Variants in CACNA2D3 observed in about 807,000 individuals in gnomAD.
CACNA2D3 encodes voltage-dependent calcium channel subunit alpha-2/delta-3.
Under a neutral mutation model 160.6 loss-of-function variants are expected in CACNA2D3, and 60 were observed. The ratio of observed to expected loss-of-function variants is 0.37; its 90% CI spans 0.30 to 0.46. The LOEUF (loss-of-function observed/expected upper bound fraction) is 0.46, where lower values mean the gene tolerates loss of function less well. Ranked by LOEUF, CACNA2D3 falls within the 20% of genes least tolerant of loss-of-function variation. The pLI is 1.00. For missense variants in CACNA2D3, 1,205 were observed against 1,365.0 expected (o/e 0.88, Z 1.85); for synonymous variants, 558 against 492.9 (o/e 1.13, Z -1.75).
chr3:54,514,108 C>G (rs1340252107), intron 5 of CACNA2D3, among the ~76,000 whole-genome samples: 1 of 152,188 alleles, frequency 6.6e-6, no homozygotes, highest in African/African-American at 2.4e-5. Flanking sequence ...ATAAACACTT[C>G]CAATTTCTTC....
intron 2 of CACNA2D3, among the ~76,000 whole-genome samples, chr3:54,180,397 G>A (rs2107322199): frequency 6.6e-6 from 1 of 152,290 alleles, no homozygotes; most frequent in Non-Finnish European, 1.5e-5. Flanking sequence ...ACACAACAAA[G>A]ATCTGTCGAC....
chr3:54,153,012 T>C (rs958617529), intron 2 of CACNA2D3, among the ~76,000 whole-genome samples: 9 of 152,184 alleles, frequency 5.9e-5, no homozygotes, highest in African/African-American at 1.2e-4. Flanking sequence ...CTCATTGTAT[T>C]GTGTAAATGA....
chr3:54,469,571 A>G (rs1193084950), intron 4 of CACNA2D3, among the ~76,000 whole-genome samples: 1 of 152,138 alleles, frequency 6.6e-6, no homozygotes, highest in Non-Finnish European at 1.5e-5. Flanking sequence ...AACTGGATGG[A>G]GAATGAGTTT....
intron 9 of CACNA2D3, among the ~76,000 whole-genome samples, chr3:54,597,602 G>T (rs1396907317): frequency 1.3e-5 from 2 of 152,160 alleles, no homozygotes; most frequent in African/African-American, 4.8e-5. Context: ...GGTCTTGAGG[G>T]TAAAAGGAAG....
intron 31 of CACNA2D3, 36 bp downstream of exon 31, chr3:54,987,789 AG>A (rs753247903): frequency 6.7e-7 from 1 of 1,489,826 alleles, no homozygotes; most frequent in Admixed American, 2.2e-5. Flanking sequence ...TCCCCCCAAA[AG>A]TTTTCCTAAA....
intron 4 of CACNA2D3, among the ~76,000 whole-genome samples, chr3:54,476,641 A>G (rs917305464): frequency 6.6e-6 from 1 of 151,958 alleles, no homozygotes; most frequent in Admixed American, 6.6e-5. Flanking sequence ...TTTGATTTGC[A>G]TTTCCCTGGT....
intron 11 of CACNA2D3, among the ~76,000 whole-genome samples, chr3:54,721,467 A>G (rs1204799483): frequency 1.3e-5 from 2 of 152,046 alleles, no homozygotes; most frequent in Non-Finnish European, 2.9e-5. Flanking sequence ...TTCTTTAAAG[A>G]TATGTTCTGT....
Position 54,770,708 on chromosome 3 carries a change from C to G in CACNA2D3, c.1380+6357C>G, listed in dbSNP as rs1702305223. On this transcript the variant is annotated intron_variant, in intron 13 of 37. Coordinates refer to ENST00000474759, the MANE Select transcript of CACNA2D3 (RefSeq NM_018398.3). ...GGTGCACGAAGCATATGTCTGTTCCCCATGCTTGAGTTGCAAGCTTACTTG... is the reference window on the plus strand; with the variant it reads ...GGTGCACGAAGCATATGTCTGTTCCGCATGCTTGAGTTGCAAGCTTACTTG... 2.6e-5 allele frequency among the ~76,000 whole-genome samples: 4 copies of G among 152,174 alleles called. No individual in the cohort carries two copies. The South Asian group carries it at 8.3e-4, about 32-fold the overall frequency.
In CACNA2D3 at chr3:54,722,072, C is replaced by G. The variant is rs57140550; in HGVS notation, c.1168-30527C>G. ...CAATCAAATGTAGATTTGGTCTTTT[C>G]ACATAGTCCCATATTTCTTGGAGGC... On this transcript the variant is annotated intron_variant, in intron 11 of 37. Coordinates refer to ENST00000474759, the MANE Select transcript of CACNA2D3 (RefSeq NM_018398.3). Among the ~76,000 whole-genome samples the G allele has an allele frequency of 1.2e-3, 182 of 152,304 alleles. 1 individual carries two copies. The highest frequency in any genetic ancestry group is 3.8e-3 in the African/African-American group (157 of 41,582).
intron 4 of CACNA2D3, among the ~76,000 whole-genome samples, chr3:54,404,275 C>T (rs1699530010): frequency 1.3e-5 from 2 of 152,082 alleles, no homozygotes; most frequent in Non-Finnish European, 2.9e-5. Flanking sequence ...AATTCAAGAA[C>T]AAATCAAGAA....
chr3:54,286,474 G>A (rs550185957), intron 2 of CACNA2D3, among the ~76,000 whole-genome samples: 38 of 152,200 alleles, frequency 2.5e-4, no homozygotes, highest in Non-Finnish European at 4.7e-4. Context: ...GATAGTGATG[G>A]GGAGAATGGA....
intron 4 of CACNA2D3, among the ~76,000 whole-genome samples, chr3:54,494,909 T>G (rs1267478768): frequency 6.6e-6 from 1 of 152,128 alleles, no homozygotes; most frequent in African/African-American, 2.4e-5. Flanking sequence ...CTGACTGTCA[T>G]GAGGACAGCA....
chr3:54,281,395 C>G (rs928063920), intron 2 of CACNA2D3, among the ~76,000 whole-genome samples: 26 of 152,094 alleles, frequency 1.7e-4, no homozygotes, highest in African/African-American at 6.0e-4. Flanking sequence ...TGTGTCAGAC[C>G]ACGTGGGAGC....
At chr3:54,704,074 C>T (rs1006984850) in intron 11 of CACNA2D3, among the ~76,000 whole-genome samples, 8 of 152,126 alleles carry the variant, frequency 5.3e-5, no homozygotes, top group Non-Finnish European at 1.2e-4. Context: ...AATCTGGCAC[C>T]CACAGTCTAT....
intron 3 of CACNA2D3, among the ~76,000 whole-genome samples, chr3:54,324,291 A>G (rs1704074890): frequency 6.6e-6 from 1 of 152,194 alleles, no homozygotes; most frequent in East Asian, 1.9e-4. Flanking sequence ...TCCTATTTGA[A>G]TTACTCTCCA....
At chr3:54,748,066 A>G (rs1379383256) in intron 11 of CACNA2D3, among the ~76,000 whole-genome samples, 2 of 152,248 alleles carry the variant, frequency 1.3e-5, no homozygotes, top group Non-Finnish European at 2.9e-5. Flanking sequence ...CCTGGCACAT[A>G]GTAGTCACTC....
At chr3:54,412,648 G>T (rs572186864) in intron 4 of CACNA2D3, among the ~76,000 whole-genome samples, 1 of 98,902 alleles carries the variant, frequency 1.0e-5, no homozygotes, top group Non-Finnish European at 2.2e-5. Context: ...CCTTTTAGTT[G>T]AATGGTTTAG....
intron 3 of CACNA2D3, among the ~76,000 whole-genome samples, chr3:54,376,277 C>T (rs930894816): frequency 7.2e-5 from 11 of 152,214 alleles, no homozygotes; most frequent in Admixed American, 2.0e-4. Context: ...GCTGCTCCTT[C>T]GCCGTCACCT....
intron 34 of CACNA2D3, among the ~76,000 whole-genome samples, chr3:55,017,382 A>G (rs1383481172): frequency 1.3e-5 from 2 of 152,216 alleles, no homozygotes; most frequent in African/African-American, 2.4e-5. Context: ...TGTCATCATT[A>G]TAATGTCAAA....
Sources: allele counts gnomAD v4.1 joint callset (sites outside exome capture counted in the v4.1 genomes callset), GRCh38; gene constraint gnomAD v4.1.1; transcripts MANE v1.5; gene names NCBI Gene and HGNC (gene_info 2026-07-23, HGNC 2026-07-21).